The following DCC variants were observed in gnomAD, a reference collection of about 807,000 sequenced individuals.
DCC encodes DCC netrin 1 receptor.
A neutral mutation model predicts 172.5 loss-of-function variants in DCC; 58 were observed. The observed-to-expected ratio is 0.34, with a 90% CI of 0.27 to 0.42. The LOEUF (loss-of-function observed/expected upper bound fraction) is 0.42, where lower values mean the gene tolerates loss of function less well. DCC is among the 10% of genes least tolerant of loss of function. The probability of loss-of-function intolerance (pLI) is 1.00; values close to 1 mark genes in which losing one functional copy is unlikely to be tolerated. For synonymous variants in DCC, 709 were observed against 644.5 expected (o/e 1.10, Z -1.52); for missense variants, 1,740 against 1,791.0 (o/e 0.97, Z 0.51).
intron 2 of DCC, among the ~76,000 whole-genome samples, chr18:52,795,928 T>A (rs918343527): frequency 6.6e-6 from 1 of 152,040 alleles, no homozygotes; most frequent in African/African-American, 2.4e-5. Context: ...TGTTCAATAA[T>A]GTTATTGAAT....
intron 7 of DCC, among the ~76,000 whole-genome samples, chr18:53,069,924 G>C (rs2042629690): frequency 6.6e-6 from 1 of 151,884 alleles, no homozygotes; most frequent in Non-Finnish European, 1.5e-5. Context: ...GTGGGGTTGG[G>C]GGGGGTTGTT....
intron 12 of DCC, among the ~76,000 whole-genome samples, chr18:53,259,020 T>C: frequency 6.6e-6 from 1 of 152,198 alleles, no homozygotes; most frequent in Non-Finnish European, 1.5e-5. Flanking sequence ...TATCAGAGAC[T>C]AGGATTGCAA....
intron 5 of DCC, among the ~76,000 whole-genome samples, chr18:53,030,380 A>G (rs1430446908): frequency 1.3e-5 from 2 of 152,122 alleles, no homozygotes; most frequent in Non-Finnish European, 2.9e-5. Context: ...GTGTGGAATG[A>G]CTGAATAAAT....
intron 2 of DCC, among the ~76,000 whole-genome samples, chr18:52,755,731 C>A (rs57074688): frequency 0.079 from 12,040 of 151,948 alleles, 1,540 homozygotes; most frequent in African/African-American, 0.28. Context: ...ACAACAACAA[C>A]AAAAAAATGT....
chr18:53,148,799 G>A (rs1210813553), intron 7 of DCC, among the ~76,000 whole-genome samples: 2 of 150,886 alleles, frequency 1.3e-5, no homozygotes, highest in African/African-American at 4.9e-5. Context: ...TTCCACAGAC[G>A]AAGCATGCTT....
chr18:52,959,427 G>A (rs954931051), intron 5 of DCC, among the ~76,000 whole-genome samples: 1 of 151,934 alleles, frequency 6.6e-6, no homozygotes, highest in Non-Finnish European at 1.5e-5. Flanking sequence ...CCCTCTAAAC[G>A]CAGGCATATA....
intron 1 of DCC, among the ~76,000 whole-genome samples, chr18:52,582,291 T>C (rs541583895): frequency 1.3e-5 from 2 of 152,288 alleles, no homozygotes; most frequent in African/African-American, 4.8e-5. Context: ...TATTAGAAAA[T>C]GCACCCCTAC....
intron 25 of DCC, among the ~76,000 whole-genome samples, chr18:53,479,146 C>T (rs920928382): frequency 7.2e-5 from 11 of 152,088 alleles, no homozygotes; most frequent in African/African-American, 1.7e-4. Context: ...ACTGTAGGAA[C>T]GGTGGTGAGA....
chr18:52,969,042 C>A (rs2040980383), intron 5 of DCC, among the ~76,000 whole-genome samples: 1 of 152,222 alleles, frequency 6.6e-6, no homozygotes, highest in Middle Eastern at 3.4e-3. Context: ...CTCCTGGTCT[C>A]ACTTTTCTTC....
intron 26 of DCC, among the ~76,000 whole-genome samples, chr18:53,487,381 A>G (rs1271632553): frequency 2.0e-5 from 3 of 152,204 alleles, no homozygotes; most frequent in Non-Finnish European, 4.4e-5. Flanking sequence ...TTAATCAGGT[A>G]AGTGATACTT....
intron 12 of DCC, among the ~76,000 whole-genome samples, chr18:53,300,799 A>G (rs2057124639): frequency 1.3e-5 from 2 of 152,090 alleles, no homozygotes; most frequent in South Asian, 4.1e-4. Context: ...TTCTTCTCTC[A>G]GAGAAACTTA....
chr18:53,336,944 A>AT (rs992134805), intron 14 of DCC, among the ~76,000 whole-genome samples: 4 of 152,064 alleles, frequency 2.6e-5, no homozygotes, highest in African/African-American at 7.2e-5. Context: ...ACGTACTAAC[A>AT]TTTTTTTTCT....
intron 1 of DCC, among the ~76,000 whole-genome samples, chr18:52,742,617 TG>T (rs2145116483): frequency 6.6e-6 from 1 of 152,328 alleles, no homozygotes; most frequent in East Asian, 1.9e-4. Context: ...ACAAAGTTTA[TG>T]GTTTCAATTG....
intron 12 of DCC, among the ~76,000 whole-genome samples, chr18:53,304,272 G>A (rs1223369686): frequency 1.3e-5 from 2 of 152,142 alleles, no homozygotes; most frequent in Non-Finnish European, 2.9e-5. Flanking sequence ...CCTTTTGCCA[G>A]AGAACCACCT....
Position 53,306,142 on chromosome 18 carries a change from CAA to C in DCC, c.2053+425_2053+426del, listed in dbSNP as rs151014041. Among the ~76,000 whole-genome samples, 155 of 152,206 alleles carry C rather than the reference CAA, an allele frequency of 1.0e-3. 2 individuals are homozygous for C. Among genetic ancestry groups the C allele is most frequent in the African/African-American group, 3.6e-3 (149 of 41,560 alleles). ...CTGAAGAAAAGGGTAGATTGTAAAACAAAGAGAGAGATTATTCTACCTTCTGC... is the reference window on the plus strand; with the variant it reads ...CTGAAGAAAAGGGTAGATTGTAAAACAGAGAGAGATTATTCTACCTTCTGC... On this transcript the variant is annotated intron_variant, in intron 13 of 28. Coordinates refer to ENST00000442544, the MANE Select transcript of DCC (RefSeq NM_005215.4).
rs10593227 is a variant in DCC, at chr18:52,916,209, C to CT, written c.698-7484dup. On this transcript the variant is annotated intron_variant, in intron 3 of 28. Transcript: ENST00000442544. ...TTGTGTTTCAAGCTGAATTAGCTAC[C>CT]TTTTTTTTTTTTTTCTTCATGAAAC... is the stretch of plus-strand genomic sequence containing the variant. 1.1e-3 allele frequency among the ~76,000 whole-genome samples: 162 copies of CT among 147,202 alleles called. 1 individual carries two copies. The highest frequency in any genetic ancestry group is 3.9e-3 in the African/African-American group (155 of 40,184).
At chr18:53,196,848 C>T (rs1404506704) in intron 9 of DCC, among the ~76,000 whole-genome samples, 1 of 152,038 alleles carries the variant, frequency 6.6e-6, no homozygotes, top group Non-Finnish European at 1.5e-5. Context: ...TGTTGCCAGA[C>T]TCCTGTGGTT....
chr18:52,593,362 C>T (rs181378026), intron 1 of DCC, among the ~76,000 whole-genome samples: 2 of 152,266 alleles, frequency 1.3e-5, no homozygotes, highest in Admixed American at 1.3e-4. Flanking sequence ...GCAGCAGGAT[C>T]CCACTAGTAT....
intron 13 of DCC, among the ~76,000 whole-genome samples, chr18:53,319,870 T>G (rs2879514): frequency 0.62 from 93,679 of 151,476 alleles, 29,500 homozygotes; most frequent in African/African-American, 0.68. Flanking sequence ...TATGGACTTA[T>G]TCCCATCGAC....
Sources: gnomAD v4.1 joint callset for allele counts (sites outside exome capture counted in the v4.1 genomes callset) on GRCh38, gnomAD v4.1.1 for gene constraint, MANE v1.5 for transcripts, NCBI Gene and HGNC (gene_info 2026-07-23, HGNC 2026-07-21) for gene names.